Variants in FLACC1 observed in about 807,000 individuals in gnomAD.
The protein encoded by FLACC1 is flagellum associated containing coiled-coil domains 1.
FLACC1 carries 66 observed loss-of-function variants against 62.8 expected under a neutral mutation model. That is an observed-to-expected ratio of 1.05 (90% CI 0.86 to 1.29). The LOEUF (loss-of-function observed/expected upper bound fraction) is 1.29, where lower values mean the gene tolerates loss of function less well. Ranked by LOEUF, FLACC1 falls within the 50% of genes most tolerant of loss-of-function variation. The pLI is 0.00. For missense variants in FLACC1, 452 were observed against 489.1 expected (o/e 0.92, Z 0.71); for synonymous variants, 156 against 161.0 (o/e 0.97, Z 0.24).
chr2:201,343,137 C>T (rs1024382916), intron 6 of FLACC1, among the ~76,000 whole-genome samples: 3 of 152,214 alleles, frequency 2.0e-5, no homozygotes, highest in Non-Finnish European at 2.9e-5. Flanking sequence ...AGCCCAGCGT[C>T]AGCCAACACT....
At chr2:201,345,450 TTGTG>T (rs56229607) in intron 5 of FLACC1, among the ~76,000 whole-genome samples, 4,790 of 144,132 alleles carry the variant, frequency 0.033, 81 homozygotes, top group African/African-American at 0.05. Context: ...AGGTAGATGA[TTGTG>T]TGTGTGTGTG....
At chr2:201,307,464 G>T (rs1950128658) in intron 11 of FLACC1, 55 bp downstream of exon 11, 4 of 1,338,588 alleles carry the variant, frequency 3.0e-6, no homozygotes, top group Admixed American at 1.7e-5. Context: ...CTGGGGACTT[G>T]GGTGTACCAC....
chr2:201,300,953 T>G (rs1949968454), intron 11 of FLACC1, among the ~76,000 whole-genome samples: 1 of 151,810 alleles, frequency 6.6e-6, no homozygotes, highest in Non-Finnish European at 1.5e-5. Context: ...CAAAGGTAGA[T>G]AAAACCACAA....
At chr2:201,310,255 A>G (rs1950193253) in intron 9 of FLACC1, among the ~76,000 whole-genome samples, 1 of 152,108 alleles carries the variant, frequency 6.6e-6, no homozygotes, top group African/African-American at 2.4e-5. Flanking sequence ...TTTTCCCTGA[A>G]TATACCAAGG....
intron 7 of FLACC1, 112 bp from the exon 8 acceptor site, chr2:201,330,945 C>T (rs1477123430): frequency 5.0e-6 from 3 of 599,340 alleles, no homozygotes; most frequent in South Asian, 3.5e-5. Context: ...GAGGTTCTCA[C>T]TTTTTTATTT....
At chr2:201,295,989 G>A (rs374495146) in intron 12 of FLACC1, among the ~76,000 whole-genome samples, 5 of 152,160 alleles carry the variant, frequency 3.3e-5, no homozygotes, top group South Asian at 2.1e-4. Flanking sequence ...TTAGAATGGC[G>A]ATCATTAAAA....
At chr2:201,319,063 A>G (rs1950353978) in intron 9 of FLACC1, among the ~76,000 whole-genome samples, 1 of 152,206 alleles carries the variant, frequency 6.6e-6, no homozygotes, top group South Asian at 2.1e-4. Flanking sequence ...TCATGTAACC[A>G]AACACCTCCT....
upstream of FLACC1, among the ~76,000 whole-genome samples, chr2:201,358,679 A>G: frequency 6.6e-6 from 1 of 151,832 alleles, no homozygotes; most frequent in African/African-American, 2.4e-5. Flanking sequence ...GGCCTCCCAA[A>G]GTGCTGGGAT....
intron 11 of FLACC1, among the ~76,000 whole-genome samples, chr2:201,302,128 A>T (rs927045392): frequency 1.1e-4 from 16 of 152,236 alleles, no homozygotes; most frequent in Non-Finnish European, 1.8e-4. Context: ...CAATTAAAAG[A>T]CACAGACTGG....
At chr2:201,291,908 C>G (rs1175828588) in intron 12 of FLACC1, among the ~76,000 whole-genome samples, 5 of 152,000 alleles carry the variant, frequency 3.3e-5, no homozygotes, top group East Asian at 3.9e-4. Flanking sequence ...ATTCGATCAA[C>G]TGGAAGAAAG....
At chr2:201,295,188 A>G (rs1267066588) in intron 12 of FLACC1, among the ~76,000 whole-genome samples, 3 of 152,220 alleles carry the variant, frequency 2.0e-5, no homozygotes, top group African/African-American at 7.2e-5. Flanking sequence ...GAACCAAAAA[A>G]GAGCCCGCAT....
At chr2:201,334,936 ATGG>A (rs1950664621) in intron 7 of FLACC1, among the ~76,000 whole-genome samples, 1 of 151,882 alleles carries the variant, frequency 6.6e-6, no homozygotes, top group Non-Finnish European at 1.5e-5. Context: ...TTTTTTTTGG[ATGG>A]TAGGCTTTTT....
intron 9 of FLACC1, among the ~76,000 whole-genome samples, chr2:201,309,752 C>G (rs1472393138): frequency 1.3e-5 from 2 of 151,034 alleles, no homozygotes; most frequent in East Asian, 3.9e-4. Context: ...ACTAAAAATA[C>G]AAAAATTAGC....
At chr2:201,310,632 C>G (rs1950200292) in intron 9 of FLACC1, among the ~76,000 whole-genome samples, 1 of 152,166 alleles carries the variant, frequency 6.6e-6, no homozygotes, top group Non-Finnish European at 1.5e-5. Context: ...GGGTTTTATT[C>G]TGAGATGACG....
At chr2:201,317,247 G>A (rs1950323850) in intron 9 of FLACC1, among the ~76,000 whole-genome samples, 1 of 152,140 alleles carries the variant, frequency 6.6e-6, no homozygotes, top group Admixed American at 6.5e-5. Context: ...TCAGTAAAGA[G>A]GAAGTCAAAC....
chr2:201,296,839 A>T (rs1949875819), intron 12 of FLACC1, among the ~76,000 whole-genome samples: 1 of 152,094 alleles, frequency 6.6e-6, no homozygotes, highest in Non-Finnish European at 1.5e-5. Flanking sequence ...TTAAGCAGAG[A>T]AGTGAATGCA....
chr2:201,293,445 G>T (rs1293378081), intron 12 of FLACC1, among the ~76,000 whole-genome samples: 2 of 152,158 alleles, frequency 1.3e-5, no homozygotes, highest in Non-Finnish European at 2.9e-5. Context: ...TGAAATGAAG[G>T]CAGAAATAAA....
chr2:201,288,395 G>A lies in FLACC1; in HGVS notation c.*260C>T, dbSNP rs887088917. On this transcript the variant is annotated 3_prime_UTR_variant, in exon 15 of 15. Transcript: ENST00000392257. ...AATCAGTTTCTTTCTAACGAAATAC[G>A]TCAAGGTAGAAGAAAAATAGTACAA... The A allele has an allele frequency of 2.1e-5, 7 of 330,614 alleles. No individual in the cohort carries two copies. Among genetic ancestry groups the A allele is most frequent in the East Asian group, 4.9e-5 (1 of 20,460 alleles). 20.5% of individuals were successfully genotyped at this position (330,614 alleles called of 1,614,324 possible).
intron 1 of FLACC1, among the ~76,000 whole-genome samples, chr2:201,355,047 G>T (rs1951092090): frequency 1.3e-5 from 2 of 152,232 alleles, no homozygotes; most frequent in Non-Finnish European, 2.9e-5. Context: ...CACTTTGGGA[G>T]GCCAAGGCGA....
Sources: gnomAD v4.1 joint callset for allele counts (sites outside exome capture counted in the v4.1 genomes callset) on GRCh38, gnomAD v4.1.1 for gene constraint, MANE v1.5 for transcripts, NCBI Gene and HGNC (gene_info 2026-07-23, HGNC 2026-07-21) for gene names.